Variants in ALLC observed in about 807,000 individuals in gnomAD.
The protein encoded by ALLC is allantoicase, also known as probable inactive allantoicase.
A neutral mutation model predicts 45.0 loss-of-function variants in ALLC; 40 were observed. The ratio of observed to expected loss-of-function variants is 0.89; its 90% CI spans 0.69 to 1.16. The LOEUF is 1.16. ALLC is among the 50% of genes most tolerant of loss of function. The pLI, the probability that ALLC is intolerant of heterozygous loss-of-function variation, is 0.00. For synonymous variants in ALLC, 176 were observed against 178.1 expected (o/e 0.99, Z 0.09); for missense variants, 488 against 493.1 (o/e 0.99, Z 0.10).
At chr2:3,675,899 C>T (rs935260633) in intron 3 of ALLC, among the ~76,000 whole-genome samples, 8 of 152,176 alleles carry the variant, frequency 5.3e-5, no homozygotes, top group Non-Finnish European at 1.2e-4. Flanking sequence ...AGTCTGAGAC[C>T]GAGCCTGAGA....
chr2:3,660,286 C>T (rs1006720279), intron 1 of ALLC, among the ~76,000 whole-genome samples: 6 of 152,188 alleles, frequency 3.9e-5, no homozygotes, highest in African/African-American at 9.7e-5. Flanking sequence ...GGAGTGGAAG[C>T]AGCCTGAGGC....
At chr2:3,696,558 C>T (rs1238066936) in intron 9 of ALLC, among the ~76,000 whole-genome samples, 1 of 152,190 alleles carries the variant, frequency 6.6e-6, no homozygotes, top group African/African-American at 2.4e-5. Flanking sequence ...TCATTGCCAG[C>T]TACGCCAATG....
chr2:3,649,166 A>G, the ALLC span, among the ~76,000 whole-genome samples: 2 of 152,136 alleles, frequency 1.3e-5, no homozygotes, highest in Admixed American at 1.3e-4. Context: ...CGCGTTAATG[A>G]GCAAGACTGA....
At chr2:3,695,362 C>G in intron 7 of ALLC, 1 of 251,578 alleles carries the variant, frequency 4.0e-6, no homozygotes, top group Admixed American at 5.1e-5. Flanking sequence ...GATTAGAGCT[C>G]TGGAGTAAAT....
chr2:3,660,784 AGCAGGAAAACGGAATGAGTCAGGGTGGG>A (rs1387308345), intron 1 of ALLC, among the ~76,000 whole-genome samples: 4 of 143,090 alleles, frequency 2.8e-5, no homozygotes, highest in Non-Finnish European at 3.0e-5. Flanking sequence ...GTTATGGCAG[AGCAGGAAAACGGAATGAGTCAGGGTGGG>A]GCAGGAAATC....
Position 3,695,815 on chromosome 2 carries a change from G to C in ALLC, c.610G>C (p.Gly204Arg). Reference protein sequence around the residue: ...EPADLVAIAFGGVCVGFSNAK... With the variant: ...EPADLVAIAFRGVCVGFSNAK... ...TGCAGACCTAGTGGCCATCGCTTTT[G>C]GGGGTGTCTGTGTAGGATTTAGTAA... is the stretch of plus-strand genomic sequence containing the variant. The change falls in exon 8 of 12, where the codon GGG becomes CGG. Residue 204 changes from glycine (G) to arginine (R), a missense_variant. By Grantham distance (125) the Gly-to-Arg change is moderately radical (BLOSUM62 -2). Coordinates refer to ENST00000252505, the MANE Select transcript of ALLC (RefSeq NM_018436.4). The C allele has an allele frequency of 6.2e-7, 1 of 1,613,934 alleles. No homozygotes were observed. Among genetic ancestry groups the C allele is most frequent in the Non-Finnish European group, 8.5e-7 (1 of 1,179,860 alleles).
the ALLC span, among the ~76,000 whole-genome samples, chr2:3,650,525 C>G: frequency 6.6e-6 from 1 of 150,620 alleles, no homozygotes; most frequent in East Asian, 2.0e-4. Flanking sequence ...AGCTCCAGCC[C>G]CAGCAGCACC....
intron 10 of ALLC, among the ~76,000 whole-genome samples, chr2:3,698,231 G>A (rs1667734746): frequency 6.6e-6 from 1 of 152,102 alleles, no homozygotes; most frequent in African/African-American, 2.4e-5. Context: ...TCCCAAAGTG[G>A]TGGGATTACA....
At chr2:3,691,068 G>A (rs1667503767) in intron 7 of ALLC, among the ~76,000 whole-genome samples, 1 of 151,632 alleles carries the variant, frequency 6.6e-6, no homozygotes, top group Admixed American at 6.6e-5. Context: ...ATATTTGAAA[G>A]ATAGCTTTTC....
At chr2:3,700,168 T>C (rs1205010934) in intron 10 of ALLC, among the ~76,000 whole-genome samples, 1 of 152,204 alleles carries the variant, frequency 6.6e-6, no homozygotes, top group Non-Finnish European at 1.5e-5. Context: ...CTTGAGTTGA[T>C]TTTTGTATAT....
chr2:3,654,499 TGCCCAAGCTTGCTCCTTAG>T (rs1666399941), upstream of ALLC, among the ~76,000 whole-genome samples: 1 of 152,244 alleles, frequency 6.6e-6, no homozygotes, highest in African/African-American at 2.4e-5. Context: ...TCTAGGAGGC[TGCCCAAGCTTGCTCCTTAG>T]GGTTGTGCTT....
upstream of ALLC, among the ~76,000 whole-genome samples, chr2:3,655,965 G>T (rs1415874339): frequency 6.6e-6 from 1 of 152,032 alleles, no homozygotes; most frequent in African/African-American, 2.4e-5. Context: ...GGGGATGTGG[G>T]TAGCCTGCTG....
At chr2:3,649,242 T>TC in the ALLC span, among the ~76,000 whole-genome samples, 1 of 148,702 alleles carries the variant, frequency 6.7e-6, no homozygotes. Context: ...CCCAAACACT[T>TC]CTTTTTTTTT....
In ALLC at chr2:3,665,640, A is replaced by G. The variant is rs145977149; in HGVS notation, c.-62-5456A>G. 2.0e-5 allele frequency among the ~76,000 whole-genome samples: 3 copies of G among 152,314 alleles called. No individual in the cohort carries two copies. The South Asian group carries it at 6.2e-4, about 32-fold the overall frequency. The stretch of plus-strand genomic sequence containing the variant: ...TACCCAGGTTCCTGCAAAGGACATG[A>G]TCTCATTCCTTTTTATGGCTGCATA... On this transcript the variant is annotated intron_variant, in intron 1 of 11. Transcript: ENST00000252505.
chr2:3,696,525 A>T, intron 9 of ALLC, among the ~76,000 whole-genome samples, 177 bp downstream of exon 9: 1 of 152,206 alleles, frequency 6.6e-6, no homozygotes. Flanking sequence ...CAGGGCAGAG[A>T]CTCAGAAGCC....
At chr2:3,650,184 G>A in the ALLC span, among the ~76,000 whole-genome samples, 1 of 152,348 alleles carries the variant, frequency 6.6e-6, no homozygotes, top group African/African-American at 2.4e-5. Context: ...GGCTGAGAGG[G>A]CAGAGGAAGC....
At chr2:3,699,142 G>A (rs1667758800) in intron 10 of ALLC, among the ~76,000 whole-genome samples, 1 of 152,126 alleles carries the variant, frequency 6.6e-6, no homozygotes, top group Non-Finnish European at 1.5e-5. Context: ...ATCAAGTATG[G>A]TACCCGATAA....
chr2:3,672,678 T>C (rs1010184328), intron 2 of ALLC, among the ~76,000 whole-genome samples: 909 of 131,164 alleles, frequency 6.9e-3, no homozygotes, highest in African/African-American at 8.8e-3. Flanking sequence ...TGGGAGGTCC[T>C]CTGGCTCTGG....
At chr2:3,676,385 C>T (rs1248201602) in intron 3 of ALLC, among the ~76,000 whole-genome samples, 3 of 151,978 alleles carry the variant, frequency 2.0e-5, no homozygotes, top group Non-Finnish European at 2.9e-5. Flanking sequence ...TGGGCACAAG[C>T]GATCCTCCTG....
Sources: gnomAD v4.1 joint callset for allele counts (sites outside exome capture counted in the v4.1 genomes callset) on GRCh38, gnomAD v4.1.1 for gene constraint, MANE v1.5 for transcripts, NCBI Gene and HGNC (gene_info 2026-07-23, HGNC 2026-07-21) for gene names.